LARGE1: variants seen among roughly 807,000 people sequenced by gnomAD.
LARGE1 encodes the protein xylosyl- and glucuronyltransferase LARGE1.
A neutral mutation model predicts 87.6 loss-of-function variants in LARGE1; 43 were observed. That is an observed-to-expected ratio of 0.49 (90% confidence interval 0.38 to 0.63). LARGE1 has a LOEUF of 0.63. Ranked by LOEUF, LARGE1 falls within the 30% of genes least tolerant of loss-of-function variation. The probability of loss-of-function intolerance (pLI) is 0.00; values close to 1 mark genes in which losing one functional copy is unlikely to be tolerated. For synonymous variants in LARGE1, 434 were observed against 394.6 expected (o/e 1.10, Z -1.18); for missense variants, 802 against 1,000.2 (o/e 0.80, Z 2.67).
intron 1 of LARGE1, among the ~76,000 whole-genome samples, chr22:33,811,850 T>C (rs2086505999): frequency 6.6e-6 from 1 of 152,132 alleles, no homozygotes. Context: ...GAGCATCAGC[T>C]AGTGAAATAC....
chr22:33,588,057 G>A (rs1205369070), intron 5 of LARGE1, among the ~76,000 whole-genome samples: 1 of 152,102 alleles, frequency 6.6e-6, no homozygotes, highest in Non-Finnish European at 1.5e-5. Flanking sequence ...TAACGTTACT[G>A]GGAATCCTCC....
At chr22:33,696,475 C>G (rs947008912) in intron 2 of LARGE1, among the ~76,000 whole-genome samples, 1 of 152,024 alleles carries the variant, frequency 6.6e-6, no homozygotes, top group African/African-American at 2.4e-5. Flanking sequence ...GTGGGCCTGG[C>G]TGGTCTCGAG....
intron 6 of LARGE1, among the ~76,000 whole-genome samples, chr22:33,489,222 T>C (rs5754573): frequency 0.17 from 25,215 of 152,176 alleles, 2,435 homozygotes; most frequent in East Asian, 0.29. Flanking sequence ...TAATGACAAA[T>C]GGTGATAGGT....
the LARGE1 span, among the ~76,000 whole-genome samples, chr22:33,076,906 A>T: frequency 6.6e-6 from 1 of 152,286 alleles, no homozygotes; most frequent in Non-Finnish European, 1.5e-5. Context: ...ACAGTGCTCA[A>T]AGAATTGGAT....
At chr22:33,073,036 A>G in the LARGE1 span, among the ~76,000 whole-genome samples, 7 of 152,186 alleles carry the variant, frequency 4.6e-5, no homozygotes, top group Non-Finnish European at 7.3e-5. Flanking sequence ...ATTACAGTTC[A>G]TAATTTCCCT....
intron 1 of LARGE1, among the ~76,000 whole-genome samples, chr22:33,798,783 G>A (rs1336291309): frequency 6.6e-6 from 1 of 152,196 alleles, no homozygotes; most frequent in East Asian, 1.9e-4. Flanking sequence ...GACACAGGCT[G>A]CAAATGCAGA....
chr22:33,215,023 A>G (rs1925140146), intron 11 of LARGE1, among the ~76,000 whole-genome samples: 1 of 152,130 alleles, frequency 6.6e-6, no homozygotes, highest in African/African-American at 2.4e-5. Flanking sequence ...CTACAATGGG[A>G]GGGGGAGCCT....
At chr22:33,457,290 G>A (rs1197274626) in intron 6 of LARGE1, among the ~76,000 whole-genome samples, 2 of 133,858 alleles carry the variant, frequency 1.5e-5, no homozygotes, top group African/African-American at 6.1e-5. Context: ...ACCACGCCTG[G>A]CTCTTTTTTT....
chr22:33,479,956 G>A (rs2069243585), intron 6 of LARGE1, among the ~76,000 whole-genome samples: 1 of 152,104 alleles, frequency 6.6e-6, no homozygotes, highest in Non-Finnish European at 1.5e-5. Flanking sequence ...TGTTGGCCAG[G>A]CTGGTCTCGA....
intron 2 of LARGE1, among the ~76,000 whole-genome samples, chr22:33,742,023 C>T (rs1213886132): frequency 2.0e-5 from 3 of 152,180 alleles, no homozygotes; most frequent in African/African-American, 4.8e-5. Context: ...TTCATTTAAC[C>T]ATTTGGGGCC....
At chr22:33,702,029 C>T (rs2082417207) in intron 2 of LARGE1, among the ~76,000 whole-genome samples, 1 of 152,204 alleles carries the variant, frequency 6.6e-6, no homozygotes, top group Non-Finnish European at 1.5e-5. Context: ...CCCAATCCTT[C>T]TCATCTGCAA....
intron 9 of LARGE1, among the ~76,000 whole-genome samples, chr22:33,338,311 C>T (rs1350231854): frequency 6.6e-6 from 1 of 152,282 alleles, no homozygotes; most frequent in East Asian, 1.9e-4. Flanking sequence ...CACCTCCTTC[C>T]TTTAGCAGCA....
chr22:33,132,838 C>T, the LARGE1 span, among the ~76,000 whole-genome samples: 26 of 152,256 alleles, frequency 1.7e-4, no homozygotes, highest in African/African-American at 4.8e-4. Context: ...CATCTATTAT[C>T]GTGCATGTAA....
chr22:33,196,301 G>A (rs1201439187), intron 11 of LARGE1, among the ~76,000 whole-genome samples: 2 of 152,020 alleles, frequency 1.3e-5, no homozygotes, highest in Non-Finnish European at 2.9e-5. Flanking sequence ...TAACATATAG[G>A]AAAGAAAGCA....
Position 33,393,530 on chromosome 22 carries a change from C to A in LARGE1, c.893-9226G>T, listed in dbSNP as rs116389452. Among the ~76,000 whole-genome samples, 1,349 of 152,308 alleles carry A rather than the reference C, an allele frequency of 8.9e-3. 18 individuals carry two copies. Among genetic ancestry groups the A allele is most frequent in the African/African-American group, 0.03 (1,265 of 41,580 alleles). On this transcript the variant is annotated intron_variant, in intron 7 of 14. Coordinates refer to ENST00000397394, the MANE Select transcript of LARGE1 (RefSeq NM_133642.5). ...AAATGGTTCCATTTGAAACTGGAGC[C>A]TTTTAAGCTGAAACAACACGGATTT...
In LARGE1 at chr22:33,676,173, G is replaced by A. The variant is rs5999052; in HGVS notation, c.107-25505C>T. ...ATGCAGATTCACTGCTCACTATACC[G>A]GCTGCAGAGACTTAGGTCACAGCTT... On this transcript the variant is annotated intron_variant, in intron 2 of 14. Coordinates refer to ENST00000397394, the MANE Select transcript of LARGE1 (RefSeq NM_133642.5). Among the ~76,000 whole-genome samples the A allele has an allele frequency of 9.7e-4, 147 of 151,610 alleles. 1 individual carries two copies. The East Asian group carries it at 0.015, about 16-fold the overall frequency.
chr22:33,690,985 GTT>G (rs2082082798), intron 2 of LARGE1, among the ~76,000 whole-genome samples: 1 of 152,162 alleles, frequency 6.6e-6, no homozygotes, highest in Non-Finnish European at 1.5e-5. Context: ...AAGCCTGCCA[GTT>G]ATTTCCTAGC....
intron 6 of LARGE1, among the ~76,000 whole-genome samples, chr22:33,517,954 TG>T (rs1241168486): frequency 2.0e-5 from 3 of 152,210 alleles, no homozygotes; most frequent in Admixed American, 2.0e-4. Flanking sequence ...TAAGGAGAAC[TG>T]GGTGATGCCC....
chr22:33,717,313 A>G (rs1043283084), intron 2 of LARGE1, among the ~76,000 whole-genome samples: 31 of 152,202 alleles, frequency 2.0e-4, no homozygotes, highest in Admixed American at 2.0e-3. Flanking sequence ...CATACCAGTG[A>G]GTGCTTCTGA....
Sources: gnomAD v4.1 joint callset for allele counts (sites outside exome capture counted in the v4.1 genomes callset) on GRCh38, gnomAD v4.1.1 for gene constraint, MANE v1.5 for transcripts, NCBI Gene and HGNC (gene_info 2026-07-23, HGNC 2026-07-21) for gene names.